The following PALLD variants were observed in gnomAD, a reference collection of about 807,000 sequenced individuals.
PALLD encodes palladin.
A neutral mutation model predicts 123.5 loss-of-function variants in PALLD; 61 were observed. The observed-to-expected ratio is 0.49, with a 90% CI of 0.40 to 0.61. The LOEUF is 0.61. Ranked by LOEUF, PALLD falls within the 20% of genes least tolerant of loss-of-function variation. The pLI is 0.00. For synonymous variants in PALLD, 465 were observed against 496.4 expected (o/e 0.94, Z 0.84); for missense variants, 1,273 against 1,377.0 (o/e 0.92, Z 1.20).
intron 10 of PALLD, chr4:168,832,189 G>T: frequency 1.0e-6 from 1 of 985,530 alleles, no homozygotes; most frequent in South Asian, 4.7e-5. Context: ...CGGGGAATCG[G>T]CCCTGAGGCT....
At chr4:168,654,059 A>T (rs1561353643) in intron 2 of PALLD, among the ~76,000 whole-genome samples, 1 of 151,706 alleles carries the variant, frequency 6.6e-6, no homozygotes, top group East Asian at 1.9e-4. Flanking sequence ...GGGCTCAAGC[A>T]ATCCTTCAAC....
chr4:168,787,930 G>A (rs896580524), intron 10 of PALLD, among the ~76,000 whole-genome samples: 5 of 152,194 alleles, frequency 3.3e-5, no homozygotes, highest in African/African-American at 1.2e-4. Flanking sequence ...TGAAATGGTT[G>A]TAAATGAGAT....
chr4:168,556,864 T>C (rs1767361851), intron 2 of PALLD, among the ~76,000 whole-genome samples: 1 of 131,548 alleles, frequency 7.6e-6, no homozygotes, highest in South Asian at 2.3e-4. Context: ...GACTAAGGCA[T>C]GAAGCCTAGA....
rs1325409012 is a variant in PALLD at position 168,896,596 on chromosome 4, A to G, written c.2247A>G (p.Gln749=). The G allele has an allele frequency of 6.7e-7, 1 of 1,503,442 alleles. No individual in the cohort carries two copies. The highest frequency in any genetic ancestry group is 1.4e-5 in the African/African-American group (1 of 72,290). 93.1% of individuals were successfully genotyped at this position (1,503,442 alleles called of 1,614,324 possible). A position where few individuals can be genotyped will look rare whatever the true frequency, so the allele number is the denominator to read the frequency against. ...CTGTAGGGAGTCCTCTGGATGGTCA[A>G]AAGGTTAAGCTTTTCACCTTTCTTC... ...HASVGSPLDG[Q]KEYKVSSCEQ... The change falls in exon 13 of 22, where the codon CAA becomes CAG. Residue 749 remains glutamine, a synonymous_variant. Coordinates refer to ENST00000505667, the MANE Select transcript of PALLD (RefSeq NM_001166108.2).
At position 168,793,356 on chromosome 4, in the gene PALLD, T is replaced by TATATGTGTGCATATATATAC. The variant is rs1235897395; in HGVS notation, c.1964+81451_1964+81452insACATATGTGTGCATATATAT. On this transcript the variant is annotated intron_variant, in intron 10 of 21. Coordinates refer to ENST00000505667, the MANE Select transcript of PALLD (RefSeq NM_001166108.2). ...ATATATATGTGTGCATATATATACA[T>TATATGTGTGCATATATATAC]ATATGTGTGCATATATATCACATAT... 9.4e-5 allele frequency among the ~76,000 whole-genome samples: 8 copies of TATATGTGTGCATATATATAC among 85,292 alleles called. 3 individuals are homozygous for TATATGTGTGCATATATATAC. The highest frequency in any genetic ancestry group is 2.9e-4 in the African/African-American group (7 of 24,204). 56.0% of individuals were successfully genotyped at this position (85,292 alleles called of 152,430 possible).
At chr4:168,768,369 A>G (rs545263221) in intron 10 of PALLD, among the ~76,000 whole-genome samples, 3 of 152,336 alleles carry the variant, frequency 2.0e-5, no homozygotes, top group Admixed American at 6.5e-5. Flanking sequence ...GAATGTTCAC[A>G]TTAATTACCC....
At position 168,844,988 on chromosome 4, in the gene PALLD, G is replaced by A. The variant is rs1057252080; in HGVS notation, c.1965-45934G>A. ...GACCAGCTCTGCCTGGGGGAGTAAG[G>A]AGAAGCTTCAGGAGAGAACCAAGAG... On this transcript the variant is annotated intron_variant, in intron 10 of 21. Coordinates refer to ENST00000505667, the MANE Select transcript of PALLD (RefSeq NM_001166108.2). This position sits in a 1 kb window ranked among gnomAD's most constrained non-coding sequence, Gnocchi z 4.5. Among the ~76,000 whole-genome samples, 1 of 152,134 alleles carries A rather than the reference G, an allele frequency of 6.6e-6. No homozygotes were observed. Among genetic ancestry groups the A allele is most frequent in the African/African-American group, 2.4e-5 (1 of 41,422 alleles).
chr4:168,528,803 C>T (rs1488604373), intron 2 of PALLD, among the ~76,000 whole-genome samples: 1 of 152,198 alleles, frequency 6.6e-6, no homozygotes, highest in Non-Finnish European at 1.5e-5. Flanking sequence ...TATTTTCTCT[C>T]ACTTACTAGT....
chr4:168,926,806 GCA>G lies in PALLD; in HGVS notation c.*629_*630del, dbSNP rs1271327033. The G allele has an allele frequency of 4.4e-6, 1 of 226,352 alleles. No homozygotes were observed. The allele number at this position is 226,352 out of a possible 1,614,324, so 14.0% of individuals were successfully genotyped here. A position where few individuals can be genotyped will look rare whatever the true frequency, so the allele number is the denominator to read the frequency against. On this transcript the variant is annotated 3_prime_UTR_variant, in exon 22 of 22. Transcript: ENST00000505667. ...CAAACAGTACTACAATGATTCTGAA[GCA>G]CAGTGTATTCAGACAGATACAGTGA...
chr4:168,547,327 G>A (rs925442610), intron 2 of PALLD, among the ~76,000 whole-genome samples: 1 of 151,946 alleles, frequency 6.6e-6, no homozygotes, highest in African/African-American at 2.4e-5. Flanking sequence ...AAAACCAAGT[G>A]GGGAGTGTGT....
intron 2 of PALLD, among the ~76,000 whole-genome samples, chr4:168,585,757 A>G (rs2149670501): frequency 6.6e-6 from 1 of 152,282 alleles, no homozygotes; most frequent in African/African-American, 2.4e-5. Flanking sequence ...CCAGGGTGGA[A>G]CCAAGCAGCC....
At chr4:168,916,215 C>T (rs1232412794) in intron 17 of PALLD, among the ~76,000 whole-genome samples, 188 bp downstream of exon 17, 1 of 152,176 alleles carries the variant, frequency 6.6e-6, no homozygotes, top group Non-Finnish European at 1.5e-5. Flanking sequence ...GAGTTCAAGA[C>T]CAGCCTGGGT....
intron 15 of PALLD, among the ~76,000 whole-genome samples, chr4:168,911,218 T>C (rs575732480): frequency 6.6e-6 from 1 of 152,330 alleles, no homozygotes; most frequent in East Asian, 1.9e-4. Flanking sequence ...AAGTCAGCAC[T>C]CAAATCCAGG....
chr4:168,900,556 G>A (rs1205623029), intron 14 of PALLD, among the ~76,000 whole-genome samples: 1 of 152,168 alleles, frequency 6.6e-6, no homozygotes, highest in Non-Finnish European at 1.5e-5. Flanking sequence ...GACACTTTTA[G>A]GTGTTAATTT....
At chr4:168,548,032 G>T (rs1561234008) in intron 2 of PALLD, among the ~76,000 whole-genome samples, 1 of 150,894 alleles carries the variant, frequency 6.6e-6, no homozygotes, top group East Asian at 1.9e-4. Context: ...GCAACAAAGA[G>T]CAAACAAACA....
chr4:168,725,527 T>C (rs901622178), intron 10 of PALLD, among the ~76,000 whole-genome samples: 4 of 137,406 alleles, frequency 2.9e-5, no homozygotes, highest in East Asian at 2.0e-4. Context: ...AATTTCTTTT[T>C]TTTTTTTTTT....
chr4:168,636,078 A>G (rs1776321146), intron 2 of PALLD, among the ~76,000 whole-genome samples: 1 of 152,218 alleles, frequency 6.6e-6, no homozygotes, highest in Non-Finnish European at 1.5e-5. Context: ...GGAAGCAGGT[A>G]GGGCAGGTGG....
chr4:168,691,055 AGTGTAAGTT>A (rs1210352918), intron 7 of PALLD, among the ~76,000 whole-genome samples: 16 of 152,342 alleles, frequency 1.1e-4, no homozygotes, highest in Non-Finnish European at 1.8e-4. Flanking sequence ...AAAATTTCTT[AGTGTAAGTT>A]GATACAGGAA....
At chr4:168,714,211 C>A (rs1785118924) in intron 10 of PALLD, among the ~76,000 whole-genome samples, 1 of 152,086 alleles carries the variant, frequency 6.6e-6, no homozygotes, top group Non-Finnish European at 1.5e-5. Flanking sequence ...ATACTCTCTG[C>A]TTCCCTTCTT....
Sources: allele counts gnomAD v4.1 joint callset (sites outside exome capture counted in the v4.1 genomes callset), GRCh38; gene constraint gnomAD v4.1.1; non-coding constraint Gnocchi (gnomAD v3.1); transcripts MANE v1.5; gene names NCBI Gene and HGNC (gene_info 2026-07-23, HGNC 2026-07-21).